RGS3: variants seen among roughly 807,000 people sequenced by gnomAD.
The protein encoded by RGS3 is regulator of G-protein signalling 3.
In RGS3, 80 loss-of-function variants were observed where a neutral mutation model predicts 132.6. That is an observed-to-expected ratio of 0.60 (90% CI 0.50 to 0.73). The LOEUF is 0.73. Among genes scored for constraint, RGS3 ranks in the 30% least tolerant of loss-of-function variants. The pLI, the probability that RGS3 is intolerant of heterozygous loss-of-function variation, is 0.00. For synonymous variants in RGS3, 598 were observed against 620.6 expected, an observed-to-expected ratio of 0.96 and a Z score of 0.54; for missense variants, 1,382 against 1,530.8, an observed-to-expected ratio of 0.90 and a Z score of 1.62.
chr9:113,463,809 C>T lies in RGS3; in HGVS notation c.415+1608C>T, dbSNP rs760034241. The T allele has an allele frequency of 6.2e-6, 10 of 1,611,392 alleles. No individual in the cohort carries two copies. Among genetic ancestry groups the T allele is most frequent in the Non-Finnish European group, 8.5e-6 (10 of 1,179,202 alleles). On this transcript the variant is annotated intron_variant, in intron 3 of 24. Transcript: ENST00000350696. This position sits in a 1 kb window ranked among gnomAD's most constrained non-coding sequence, Gnocchi z 4.6. ...CGGGTCGCAGTGGGACGCCATGGAG[C>T]GCTCCCTGCACCGCGTCTCCCTCGG...
intron 7 of RGS3, among the ~76,000 whole-genome samples, chr9:113,486,168 T>G (rs920157149): frequency 6.6e-6 from 1 of 152,158 alleles, no homozygotes; most frequent in African/African-American, 2.4e-5. Flanking sequence ...AAGAATGACA[T>G]GAGTAATAAA....
intron 3 of RGS3, among the ~76,000 whole-genome samples, chr9:113,464,733 T>G (rs971564690): frequency 6.6e-6 from 1 of 152,224 alleles, no homozygotes; most frequent in Non-Finnish European, 1.5e-5. Context: ...GTCCAGCGCA[T>G]TTTTGTTTGA....
intron 18 of RGS3, among the ~76,000 whole-genome samples, chr9:113,535,458 A>G (rs1202095677): frequency 2.6e-5 from 4 of 152,264 alleles, no homozygotes; most frequent in Admixed American, 6.5e-5. Flanking sequence ...GGCATAAGCC[A>G]CTGCGCCCAG....
In RGS3 at chr9:113,594,422, G is replaced by GT. The variant is rs761121382; in HGVS notation, c.3081-7dup. 7 of 1,613,306 alleles carry GT rather than the reference G, an allele frequency of 4.3e-6. 1 individual carries two copies. The South Asian group carries it at 7.7e-5, about 18-fold the overall frequency. On this transcript the variant is annotated splice_polypyrimidine_tract_variant and splice_region_variant and intron_variant, in intron 21 of 24. Coordinates refer to ENST00000350696, the Ensembl canonical transcript of RGS3. ...CTGAGCAACCCTCTTTTCTGCTTCT[G>GT]TCCCCAGAGCCAAGGACATGAAGAA...
chr9:113,578,585 G>A (rs910604477), intron 19 of RGS3, among the ~76,000 whole-genome samples: 3 of 152,238 alleles, frequency 2.0e-5, no homozygotes, highest in Non-Finnish European at 2.9e-5. Context: ...AGGAAGGACT[G>A]GGGGTGTCAG....
intron 7 of RGS3, among the ~76,000 whole-genome samples, chr9:113,490,649 ATAAT>A (rs1470052497): frequency 6.9e-6 from 1 of 145,754 alleles, no homozygotes; most frequent in Non-Finnish European, 1.5e-5. Flanking sequence ...TGTTCAATAT[ATAAT>A]ATATTATTAT....
At chr9:113,457,446 T>A (rs539930359), upstream of RGS3, among the ~76,000 whole-genome samples, 1 of 152,278 alleles carries the variant, frequency 6.6e-6, no homozygotes, top group South Asian at 2.1e-4. Flanking sequence ...GACTATAAAC[T>A]CCATCTTTTT....
At chr9:113,492,213 G>T (rs1830541785) in intron 7 of RGS3, among the ~76,000 whole-genome samples, 1 of 152,110 alleles carries the variant, frequency 6.6e-6, no homozygotes, top group African/African-American at 2.4e-5. Flanking sequence ...GCAACCCTAT[G>T]CTCAAAAGTA....
At chr9:113,502,946 T>G (rs911168395) in intron 10 of RGS3, among the ~76,000 whole-genome samples, 2 of 152,066 alleles carry the variant, frequency 1.3e-5, no homozygotes, top group Non-Finnish European at 2.9e-5. Context: ...TGGGAGTGAA[T>G]AGGATGATGT....
chr9:113,445,803 T>G (rs1093665), intron 1 of RGS3, among the ~76,000 whole-genome samples: 3 of 152,122 alleles, frequency 2.0e-5, no homozygotes, highest in Non-Finnish European at 4.4e-5. Context: ...CTCAGCCTCC[T>G]GAGTAGCTGG....
At chr9:113,505,638 T>C (rs1470690263) in intron 11 of RGS3, 115 bp downstream of exon 9, 2 of 762,270 alleles carry the variant, frequency 2.6e-6, no homozygotes, top group African/African-American at 3.5e-5. Flanking sequence ...GTCCTGGCTT[T>C]TCAAAATGAA....
intron 10 of RGS3, among the ~76,000 whole-genome samples, chr9:113,502,527 C>A (rs959859139): frequency 6.6e-6 from 1 of 152,236 alleles, no homozygotes; most frequent in African/African-American, 2.4e-5. Context: ...TCAGGTTCTG[C>A]CCTTCAGGCC....
At chr9:113,501,566 GACCCGCAGCCATGAACCGCTTCA>G (rs1362552651) in intron 10 of RGS3, 1 of 1,547,208 alleles carries the variant, frequency 6.5e-7, no homozygotes, top group Middle Eastern at 1.9e-4. Context: ...GCCGAGGCAG[GACCCGCAGCCATGAACCGCTTCA>G]ATGGGCTCTG....
upstream of RGS3, among the ~76,000 whole-genome samples, chr9:113,456,667 A>G (rs1159550118): frequency 6.8e-6 from 1 of 147,252 alleles, no homozygotes; most frequent in East Asian, 2.0e-4. Flanking sequence ...TTTTTTTCGT[A>G]TTCTAGCCAG....
intron 3 of RGS3, among the ~76,000 whole-genome samples, chr9:113,478,589 A>C (rs1344708956): frequency 6.6e-6 from 1 of 152,130 alleles, no homozygotes; most frequent in Non-Finnish European, 1.5e-5. Flanking sequence ...TGGGAGGATC[A>C]CTTGAGCCCA....
At chr9:113,517,303 C>G (rs979064697) in intron 15 of RGS3, 1 of 650,472 alleles carries the variant, frequency 1.5e-6, no homozygotes, top group African/African-American at 1.8e-5. Flanking sequence ...GTGTAGCTCT[C>G]ACGGTGAGGG....
intron 19 of RGS3, 114 bp from the exon 18 acceptor site, chr9:113,583,336 G>T (rs1834916954): frequency 6.8e-7 from 1 of 1,464,740 alleles, no homozygotes; most frequent in African/African-American, 1.4e-5. Flanking sequence ...TCAGCTTTCA[G>T]ACTGGGGGCC....
At chr9:113,584,449 G>T in intron 20 of RGS3, 22 bp downstream of exon 18, 1 of 1,501,552 alleles carries the variant, frequency 6.7e-7, no homozygotes, top group South Asian at 1.3e-5. Context: ...AAAGGGGGAG[G>T]GAGAAGGATA....
chr9:113,576,804 G>A (rs1294010964), intron 19 of RGS3, among the ~76,000 whole-genome samples: 2 of 152,164 alleles, frequency 1.3e-5, no homozygotes, highest in African/African-American at 4.8e-5. Context: ...ACAAGTTGAG[G>A]TTTGCATGGA....
Sources: gnomAD v4.1 joint callset for allele counts (sites outside exome capture counted in the v4.1 genomes callset) on GRCh38, gnomAD v4.1.1 for gene constraint, Gnocchi (gnomAD v3.1) non-coding constraint, MANE v1.5 for transcripts, NCBI Gene and HGNC (gene_info 2026-07-23, HGNC 2026-07-21) for gene names.